The following DPEP1 variants were observed in gnomAD, a reference collection of about 807,000 sequenced individuals.
DPEP1 encodes the protein beta-lactamase.
A neutral mutation model predicts 42.3 loss-of-function variants in DPEP1; 50 were observed. The observed-to-expected ratio is 1.18, with a 90% CI of 0.94 to 1.50. The LOEUF is 1.50. DPEP1 is among the 40% of genes most tolerant of loss of function. The probability of loss-of-function intolerance (pLI) is 0.00; values close to 1 mark genes in which losing one functional copy is unlikely to be tolerated. For missense variants in DPEP1, 663 were observed against 553.0 expected (o/e 1.20, Z -1.99); for synonymous variants, 297 against 234.0 (o/e 1.27, Z -2.46).
In DPEP1 at chr16:89,637,920, C is replaced by T. The variant is rs1219217842; in HGVS notation, c.1014C>T (p.Val338=). The stretch of plus-strand genomic sequence containing the variant: ...GGAGGAACTGGACGGAGGCGGAGGT[C>T]AAGGGCGCACTGGCTGACAACCTGC... The part of the protein sequence containing the change: ...LLRRNWTEAE[V]KGALADNLLR... The change falls in exon 10 of 11, where the codon GTC becomes GTT. Residue 338 remains valine (V), a synonymous_variant. Coordinates refer to ENST00000690203, the MANE Select transcript of DPEP1 (RefSeq NM_001389466.1). 1.2e-6 allele frequency: 2 copies of T among 1,611,666 alleles called. No homozygotes were observed. The highest frequency in any genetic ancestry group is 1.7e-5 in the Admixed American group (1 of 59,704).
At chr16:89,613,881 T>C (rs1392119838) in intron 1 of DPEP1, among the ~76,000 whole-genome samples, 162 bp downstream of exon 1, 1 of 142,172 alleles carries the variant, frequency 7.0e-6, no homozygotes, top group Non-Finnish European at 1.5e-5. Flanking sequence ...TGAGGCCAGG[T>C]GTGTGCGGCA....
rs771214617 is a variant in DPEP1 at position 89,637,720 on chromosome 16, G to A, written c.929+13G>A. 1 of 1,613,092 alleles carries A rather than the reference G, an allele frequency of 6.2e-7. No homozygotes were observed. The highest frequency in any genetic ancestry group is 1.1e-5 in the South Asian group (1 of 91,086). ...ATGGTGTTCCAAGGTAAGGGGCTGA[G>A]AGCTCTGTCCTGTGGATGAGCCGGG... On this transcript the variant is annotated intron_variant, in intron 9 of 10. Coordinates refer to ENST00000690203, the MANE Select transcript of DPEP1 (RefSeq NM_001389466.1).
intron 1 of DPEP1, among the ~76,000 whole-genome samples, chr16:89,616,170 G>A (rs868128387): frequency 3.9e-5 from 6 of 152,032 alleles, no homozygotes; most frequent in South Asian, 2.1e-4. Flanking sequence ...GGGCTGGGCT[G>A]GGGGTTCAGG....
chr16:89,630,113 C>T (rs1312615941), intron 1 of DPEP1, among the ~76,000 whole-genome samples, 192 bp from the exon 2 acceptor site: 1 of 152,206 alleles, frequency 6.6e-6, no homozygotes, highest in Non-Finnish European at 1.5e-5. Flanking sequence ...ACCCCTGGGT[C>T]TGGGATCCCA....
chr16:89,641,228 G>C (rs164751), downstream of DPEP1, among the ~76,000 whole-genome samples: 63 of 152,174 alleles, frequency 4.1e-4, no homozygotes, highest in East Asian at 1.4e-3. Flanking sequence ...TGCGGGGGGG[G>C]GTTGACTGAT....
intron 6 of DPEP1, 119 bp downstream of exon 6, chr16:89,637,054 G>A (rs2059690440): frequency 3.3e-6 from 5 of 1,526,702 alleles, no homozygotes; most frequent in Admixed American, 3.9e-5. Flanking sequence ...AAATGGAGCT[G>A]GCAGCCATCC....
intron 1 of DPEP1, among the ~76,000 whole-genome samples, chr16:89,626,070 C>A (rs890384206): frequency 1.8e-4 from 27 of 152,304 alleles, no homozygotes; most frequent in African/African-American, 5.1e-4. Context: ...CCTCTACCTG[C>A]CCCCCGTCCT....
chr16:89,637,458 T>C lies in DPEP1; in HGVS notation c.769-10T>C. The C allele has an allele frequency of 6.2e-7, 1 of 1,612,798 alleles. No individual in the cohort carries two copies. Among genetic ancestry groups the C allele is most frequent in the Non-Finnish European group, 8.5e-7 (1 of 1,179,956 alleles). On this transcript the variant is annotated splice_polypyrimidine_tract_variant and intron_variant, in intron 7 of 10. Transcript: ENST00000690203. ...GCTCTCAGCTTCACCCTGTCTTCCT[T>C]CTTGTGCAGAAACAGACAGACAGCC...
In DPEP1 at chr16:89,615,521, G is replaced by T. The variant is rs963535762; in HGVS notation, c.-107+1802G>T. Among the ~76,000 whole-genome samples, 10 of 152,344 alleles carry T rather than the reference G, an allele frequency of 6.6e-5. No homozygotes were observed. The Middle Eastern group carries it at 0.01, about 155-fold the overall frequency. ...GGTAACAGCAGCCTTGCTCTCAGGGGTGAGGGCGTGGGTTAAAGGGCAGGA... is the reference window on the plus strand; with the variant it reads ...GGTAACAGCAGCCTTGCTCTCAGGGTTGAGGGCGTGGGTTAAAGGGCAGGA... On this transcript the variant is annotated intron_variant, in intron 1 of 10. Transcript: ENST00000690203.
At chr16:89,615,101 T>C (rs2059368950) in intron 1 of DPEP1, among the ~76,000 whole-genome samples, 1 of 152,190 alleles carries the variant, frequency 6.6e-6, no homozygotes, top group Admixed American at 6.5e-5. Context: ...AACGTGGAAG[T>C]GTCTCTAAAA....
Position 89,637,610 on chromosome 16 carries a change from A to G in DPEP1, c.854-22A>G, listed in dbSNP as rs1314200372. On this transcript the variant is annotated intron_variant, in intron 8 of 10. Transcript: ENST00000690203. ...AGGGGGAGGGCCTCACTCGGGACCC[A>G]TACCTGCTGCTCCCTGGACAGACCA... 4 of 1,612,832 alleles carry G rather than the reference A, an allele frequency of 2.5e-6. No homozygotes were observed. The South Asian group carries it at 4.4e-5, about 18-fold the overall frequency.
chr16:89,614,663 C>T (rs183439669), intron 1 of DPEP1, among the ~76,000 whole-genome samples: 102 of 152,224 alleles, frequency 6.7e-4, no homozygotes, highest in Middle Eastern at 3.4e-3. Flanking sequence ...GGCGTGGTGG[C>T]GGGCGCCTGT....
At chr16:89,628,271 T>TG (rs2059543044) in intron 1 of DPEP1, among the ~76,000 whole-genome samples, 3 of 147,826 alleles carry the variant, frequency 2.0e-5, no homozygotes, top group Non-Finnish European at 3.0e-5. Context: ...TTTTTTTTTT[T>TG]TGTGAGATAG....
chr16:89,613,926 TGG>T (rs2151473394), intron 1 of DPEP1, among the ~76,000 whole-genome samples: 1 of 46,306 alleles, frequency 2.2e-5, no homozygotes, highest in East Asian at 3.0e-4. Flanking sequence ...TCTAGGAGGC[TGG>T]GACCAGGTGT....
At chr16:89,615,497 G>T (rs930975934) in intron 1 of DPEP1, among the ~76,000 whole-genome samples, 1 of 152,246 alleles carries the variant, frequency 6.6e-6, no homozygotes, top group African/African-American at 2.4e-5. Flanking sequence ...GGAGACAGGG[G>T]TAACAGCAGC....
downstream of DPEP1, chr16:89,640,724 T>G: frequency 1.3e-6 from 1 of 753,496 alleles, no homozygotes. Context: ...TTAGGCCTAA[T>G]TTTATTAACA....
rs146644368 is a variant in DPEP1 at position 89,614,062 on chromosome 16, C to T, written c.-107+343C>T. Among the ~76,000 whole-genome samples the T allele has an allele frequency of 5.4e-3, 787 of 145,704 alleles. 113 individuals carry two copies. In the East Asian group the frequency reaches 0.25, roughly 46 times the overall value. ...GGGGCCAGGTGTGTGGGGCAGGGGA[C>T]GCGGCTGCTTCCTGGGATTCTAGGA... On this transcript the variant is annotated intron_variant, in intron 1 of 10. Transcript: ENST00000690203.
chr16:89,640,204 G>A (rs572492953), downstream of DPEP1, among the ~76,000 whole-genome samples: 6 of 152,332 alleles, frequency 3.9e-5, no homozygotes, highest in African/African-American at 1.4e-4. Context: ...CCCCCACGCT[G>A]CTGCTGCCCC....
intron 2 of DPEP1, among the ~76,000 whole-genome samples, chr16:89,635,353 G>A (rs2059662974): frequency 1.3e-5 from 2 of 152,150 alleles, no homozygotes; most frequent in African/African-American, 4.8e-5. Flanking sequence ...GCTCTTCCCT[G>A]GGGACAGAGG....
Sources: allele counts gnomAD v4.1 joint callset (sites outside exome capture counted in the v4.1 genomes callset), GRCh38; gene constraint gnomAD v4.1.1; transcripts MANE v1.5; gene names NCBI Gene and HGNC (gene_info 2026-07-23, HGNC 2026-07-21).